Variants in SLC44A5 observed in about 807,000 individuals in gnomAD.
SLC44A5 encodes the protein choline transporter-like protein 5.
SLC44A5 carries 57 observed loss-of-function variants against 101.8 expected under a neutral mutation model. The ratio of observed to expected loss-of-function variants is 0.56; its 90% CI spans 0.45 to 0.70. The LOEUF (loss-of-function observed/expected upper bound fraction) is 0.70. Among genes scored for constraint, SLC44A5 ranks in the 30% least tolerant of loss-of-function variants. SLC44A5 has a pLI of 0.00. For synonymous variants in SLC44A5, 281 were observed against 290.9 expected (o/e 0.97, Z 0.35); for missense variants, 737 against 853.1 (o/e 0.86, Z 1.70).
the SLC44A5 span, chr1:75,641,959 C>G: frequency 1.2e-6 from 2 of 1,601,378 alleles, no homozygotes; most frequent in Non-Finnish European, 1.7e-6. Flanking sequence ...CAACCACAAT[C>G]TGCCTTTCTG....
intron 10 of SLC44A5, among the ~76,000 whole-genome samples, chr1:75,237,751 T>C (rs530135909): frequency 6.6e-6 from 1 of 152,248 alleles, no homozygotes; most frequent in Non-Finnish European, 1.5e-5. Flanking sequence ...TTGAGACTTC[T>C]TTTACACAGA....
the SLC44A5 span, among the ~76,000 whole-genome samples, chr1:75,678,860 T>G: frequency 2.0e-5 from 3 of 152,008 alleles, no homozygotes; most frequent in East Asian, 5.8e-4. Context: ...GTTGAAAACT[T>G]TGAAAAAAAT....
intron 2 of SLC44A5, among the ~76,000 whole-genome samples, chr1:75,515,622 G>A (rs1219707571): frequency 6.6e-6 from 1 of 152,158 alleles, no homozygotes; most frequent in African/African-American, 2.4e-5. Flanking sequence ...TCTTCTTTAA[G>A]GCTGAACACT....
intron 3 of SLC44A5, among the ~76,000 whole-genome samples, chr1:75,388,373 G>T (rs1661544924): frequency 6.6e-6 from 1 of 151,418 alleles, no homozygotes; most frequent in Non-Finnish European, 1.5e-5. Context: ...TAAGTACATA[G>T]TCCACAGAAC....
chr1:75,706,806 T>A, the SLC44A5 span, among the ~76,000 whole-genome samples: 2 of 152,188 alleles, frequency 1.3e-5, no homozygotes. Context: ...ATTGATACAT[T>A]TTCCTGTTTC....
At chr1:75,376,141 C>T (rs549811963) in intron 3 of SLC44A5, among the ~76,000 whole-genome samples, 9 of 152,356 alleles carry the variant, frequency 5.9e-5, no homozygotes, top group Admixed American at 1.3e-4. Flanking sequence ...GCTTAAAAAA[C>T]GGCGCACGAC....
the SLC44A5 span, among the ~76,000 whole-genome samples, chr1:75,704,682 A>G: frequency 9.2e-5 from 14 of 152,220 alleles, no homozygotes; most frequent in African/African-American, 3.4e-4. Context: ...CTTGAAGCAT[A>G]GTGTACTACC....
At chr1:75,225,061 A>T (rs140389571) in intron 13 of SLC44A5, among the ~76,000 whole-genome samples, 150 of 152,288 alleles carry the variant, frequency 9.8e-4, no homozygotes, top group Non-Finnish European at 1.8e-3. Context: ...ACATTCACTC[A>T]CCACTCACTT....
intron 2 of SLC44A5, among the ~76,000 whole-genome samples, chr1:75,526,229 C>G (rs1288536029): frequency 1.3e-5 from 2 of 152,174 alleles, no homozygotes; most frequent in African/African-American, 4.8e-5. Context: ...CTTCTTCTAC[C>G]TCCTCCATCT....
intron 4 of SLC44A5, among the ~76,000 whole-genome samples, chr1:75,325,764 G>A (rs1028145332): frequency 9.6e-5 from 5 of 52,234 alleles, no homozygotes; most frequent in East Asian, 0.011. Flanking sequence ...GCATGCGTGT[G>A]TGTGTGTGTG....
At chr1:75,272,565 A>G (rs969543945) in intron 6 of SLC44A5, among the ~76,000 whole-genome samples, 2 of 151,898 alleles carry the variant, frequency 1.3e-5, no homozygotes, top group Admixed American at 6.6e-5. Flanking sequence ...TGATTTTTGT[A>G]TTAAGTGAGA....
the SLC44A5 span, among the ~76,000 whole-genome samples, chr1:75,702,730 G>A: frequency 6.6e-6 from 1 of 152,136 alleles, no homozygotes; most frequent in East Asian, 1.9e-4. Context: ...GCCACCTACA[G>A]AATGGGAGAA....
chr1:75,377,462 G>A (rs1306018031), intron 3 of SLC44A5, among the ~76,000 whole-genome samples: 18 of 5,286 alleles, frequency 3.4e-3, no homozygotes, highest in Admixed American at 0.017. Flanking sequence ...ATATGGCCTC[G>A]TGGGAAGGGA....
chr1:75,710,261 TAA>T, the SLC44A5 span: 1 of 152,074 alleles, frequency 6.6e-6, no homozygotes, highest in African/African-American at 2.4e-5. Context: ...AGTTATACCT[TAA>T]GAGAGCTGTT....
intron 1 of SLC44A5, among the ~76,000 whole-genome samples, chr1:75,580,103 C>A (rs1673598277): frequency 6.6e-6 from 1 of 151,746 alleles, no homozygotes; most frequent in Admixed American, 6.6e-5. Context: ...AGCAGAGAGT[C>A]TTTCATTTAA....
intron 2 of SLC44A5, among the ~76,000 whole-genome samples, chr1:75,446,990 T>C (rs1665619275): frequency 6.6e-6 from 1 of 152,182 alleles, no homozygotes; most frequent in African/African-American, 2.4e-5. Flanking sequence ...TTCTTTAATT[T>C]GATCATGAAC....
intron 5 of SLC44A5, among the ~76,000 whole-genome samples, chr1:75,280,428 T>C: frequency 8.8e-6 from 1 of 114,022 alleles, no homozygotes; most frequent in Non-Finnish European, 1.7e-5. Flanking sequence ...ATATATATTG[T>C]ATATATTATA....
intron 1 of SLC44A5, among the ~76,000 whole-genome samples, chr1:75,546,560 T>G (rs954749157): frequency 6.6e-6 from 1 of 152,226 alleles, no homozygotes; most frequent in African/African-American, 2.4e-5. Context: ...TTTTAAATTT[T>G]AATCGCATTT....
chr1:75,392,528 A>T (rs1557736973), intron 3 of SLC44A5, among the ~76,000 whole-genome samples: 1 of 152,220 alleles, frequency 6.6e-6, no homozygotes, highest in Non-Finnish European at 1.5e-5. Flanking sequence ...TACACAGAGA[A>T]AAAGGAACTC....
Sources: gnomAD v4.1 joint callset for allele counts (sites outside exome capture counted in the v4.1 genomes callset) on GRCh38, gnomAD v4.1.1 for gene constraint, MANE v1.5 for transcripts, NCBI Gene and HGNC (gene_info 2026-07-23, HGNC 2026-07-21) for gene names.